EYS: variants seen among roughly 807,000 people sequenced by gnomAD.
EYS encodes the protein protein eyes shut homolog.
A neutral mutation model predicts 282.1 loss-of-function variants in EYS; 250 were observed. The ratio of observed to expected loss-of-function variants is 0.89; its 90% CI spans 0.80 to 0.98. The LOEUF is 0.98. Among genes scored for constraint, EYS ranks in the 50% least tolerant of loss-of-function variants. The pLI is 0.00. For missense variants in EYS, 4,016 were observed against 3,709.0 expected (o/e 1.08, Z -2.15); for synonymous variants, 1,355 against 1,282.9 (o/e 1.06, Z -1.20).
intron 12 of EYS, among the ~76,000 whole-genome samples, chr6:65,223,498 G>A (rs915637423): frequency 2.6e-5 from 4 of 152,140 alleles, no homozygotes; most frequent in African/African-American, 9.7e-5. Flanking sequence ...GAGATAAGTG[G>A]TCTATATTCC....
intron 26 of EYS, among the ~76,000 whole-genome samples, chr6:64,508,364 T>G (rs931485790): frequency 6.6e-6 from 1 of 151,928 alleles, no homozygotes; most frequent in Admixed American, 6.6e-5. Flanking sequence ...AGTATTTCCC[T>G]AGGGTCAAGA....
At chr6:65,215,547 C>T (rs1766291594) in intron 12 of EYS, among the ~76,000 whole-genome samples, 1 of 152,112 alleles carries the variant, frequency 6.6e-6, no homozygotes, top group South Asian at 2.1e-4. Flanking sequence ...GTTGAAATAA[C>T]AACAAATTAT....
chr6:64,596,553 T>C (rs1045294921), intron 24 of EYS, among the ~76,000 whole-genome samples: 2 of 152,110 alleles, frequency 1.3e-5, no homozygotes, highest in Non-Finnish European at 2.9e-5. Context: ...AAGAAAGAGA[T>C]AGATTCACAT....
chr6:64,995,375 T>G (rs1771216650), intron 14 of EYS, among the ~76,000 whole-genome samples: 1 of 152,198 alleles, frequency 6.6e-6, no homozygotes, highest in South Asian at 2.1e-4. Context: ...CTAATTTTAA[T>G]CTGTAACTTT....
intron 40 of EYS, among the ~76,000 whole-genome samples, chr6:63,762,881 C>T (rs1769683365): frequency 6.6e-6 from 1 of 152,162 alleles, no homozygotes; most frequent in Non-Finnish European, 1.5e-5. Flanking sequence ...AGAATTGTTT[C>T]TTCAGACAAA....
At chr6:64,114,897 A>G (rs1445947505) in intron 31 of EYS, among the ~76,000 whole-genome samples, 1 of 152,098 alleles carries the variant, frequency 6.6e-6, no homozygotes, top group Non-Finnish European at 1.5e-5. Context: ...AAGAAGCTAC[A>G]GATGTGCTTC....
intron 26 of EYS, among the ~76,000 whole-genome samples, chr6:64,522,603 T>C (rs1164735145): frequency 6.6e-6 from 1 of 151,722 alleles, no homozygotes; most frequent in Non-Finnish European, 1.5e-5. Flanking sequence ...CTCAAGCATA[T>C]GAAATTGGGG....
At chr6:63,722,342 G>C (rs1461790884) in intron 42 of EYS, among the ~76,000 whole-genome samples, 1 of 152,138 alleles carries the variant, frequency 6.6e-6, no homozygotes, top group Non-Finnish European at 1.5e-5. Flanking sequence ...TCAGGTTTCA[G>C]ATCAAGTGTC....
Position 65,156,021 on chromosome 6 carries a change from C to T in EYS, c.2024-98294G>A, listed in dbSNP as rs1381002630. ...AGCTTCAGTCTGTAGATTTTAATTG[C>T]TTTAACTTTTAACTTCTTTTCAAAG... On this transcript the variant is annotated intron_variant, in intron 12 of 42. Coordinates refer to ENST00000503581, the MANE Select transcript of EYS (RefSeq NM_001142800.2). Among the ~76,000 whole-genome samples the T allele has an allele frequency of 4.6e-5, 7 of 151,454 alleles. No individual in the cohort carries two copies. The East Asian group carries it at 1.4e-3, about 30-fold the overall frequency.
chr6:64,150,062 T>C (rs1390296656), intron 31 of EYS, among the ~76,000 whole-genome samples: 1 of 152,230 alleles, frequency 6.6e-6, no homozygotes, highest in South Asian at 2.1e-4. Flanking sequence ...GTTCCTTTCA[T>C]GTAAAGAATG....
intron 31 of EYS, among the ~76,000 whole-genome samples, chr6:64,187,040 ACT>A (rs1182109016): frequency 6.6e-6 from 1 of 152,046 alleles, no homozygotes; most frequent in Non-Finnish European, 1.5e-5. Context: ...AAATTATGCA[ACT>A]CTGTGATAAT....
At chr6:65,664,606 G>A (rs1768138125) in intron 1 of EYS, among the ~76,000 whole-genome samples, 1 of 152,200 alleles carries the variant, frequency 6.6e-6, no homozygotes, top group Non-Finnish European at 1.5e-5. Flanking sequence ...AGTTGCTAGA[G>A]AGGATGGTGG....
chr6:64,139,323 A>T (rs1774262194), intron 31 of EYS, among the ~76,000 whole-genome samples: 1 of 152,092 alleles, frequency 6.6e-6, no homozygotes, highest in Non-Finnish European at 1.5e-5. Context: ...TGAACTAAGG[A>T]CTTTAAAGGG....
chr6:64,541,482 C>G (rs541190238), intron 26 of EYS, among the ~76,000 whole-genome samples: 5 of 152,310 alleles, frequency 3.3e-5, no homozygotes, highest in African/African-American at 1.2e-4. Context: ...TATGCCACCA[C>G]TACTGTGCTC....
chr6:65,152,568 A>T (rs1434650118), intron 12 of EYS, among the ~76,000 whole-genome samples: 1 of 151,896 alleles, frequency 6.6e-6, no homozygotes, highest in Non-Finnish European at 1.5e-5. Flanking sequence ...AGAAAAAAAT[A>T]AACCTGCCAT....
At position 65,707,190 on chromosome 6, in the gene EYS, T is replaced by C. The variant is rs1769911484; in HGVS notation, c.-503A>G. On this transcript the variant is annotated 5_prime_UTR_variant, in exon 1 of 43. Coordinates refer to ENST00000503581, the MANE Select transcript of EYS (RefSeq NM_001142800.2). ...CTAGGAGGCTTCTGATTACGGTTAA[T>C]GTCTGGACATGCCTAGCGTGTATCA... The C allele has an allele frequency of 6.6e-6, 1 of 152,166 alleles. No individual in the cohort carries two copies. The highest frequency in any genetic ancestry group is 2.1e-4 in the South Asian group (1 of 4,828). 9.4% of individuals were successfully genotyped at this position (152,166 alleles called of 1,614,324 possible).
chr6:63,727,151 T>C (rs1168234970), intron 41 of EYS, among the ~76,000 whole-genome samples: 1 of 150,028 alleles, frequency 6.7e-6, no homozygotes, highest in East Asian at 2.0e-4. Context: ...GCATAATATA[T>C]TGATTTTTTT....
intron 26 of EYS, among the ~76,000 whole-genome samples, chr6:64,532,952 G>T (rs1012920617): frequency 1.3e-5 from 2 of 152,040 alleles, no homozygotes; most frequent in African/African-American, 4.8e-5. Flanking sequence ...TGAGTACTAT[G>T]CTAAAAGATC....
chr6:64,011,989 TTCCTCTCCTCTCCTCTCCTCTCCTC>T (rs60358872), intron 33 of EYS, among the ~76,000 whole-genome samples: 1 of 134,592 alleles, frequency 7.4e-6, no homozygotes, highest in African/African-American at 3.2e-5. Flanking sequence ...TAATAAGTTT[TTCCTCTCCTCTCCTCTCCTCTCCTC>T]TCCTCTCCTC....
Sources: allele counts gnomAD v4.1 joint callset (sites outside exome capture counted in the v4.1 genomes callset), GRCh38; gene constraint gnomAD v4.1.1; transcripts MANE v1.5; gene names NCBI Gene and HGNC (gene_info 2026-07-23, HGNC 2026-07-21).